CEP128: variants seen among roughly 807,000 people sequenced by gnomAD.
The protein encoded by CEP128 is centrosomal protein 128kDa.
In CEP128, 132 loss-of-function variants were observed where a neutral mutation model predicts 156.7. The ratio of observed to expected loss-of-function variants is 0.84; its 90% CI spans 0.73 to 0.97. The LOEUF (loss-of-function observed/expected upper bound fraction) is 0.97. CEP128 is among the 50% of genes least tolerant of loss of function. CEP128 has a pLI of 0.00. For synonymous variants in CEP128, 469 were observed against 448.9 expected, an observed-to-expected ratio of 1.04 and a Z score of -0.57; for missense variants, 1,252 against 1,281.9, an observed-to-expected ratio of 0.98 and a Z score of 0.36.
chr14:80,772,437 C>T (rs7150370), intron 16 of CEP128, among the ~76,000 whole-genome samples: 9,883 of 152,188 alleles, frequency 0.065, 413 homozygotes, highest in Middle Eastern at 0.14. Context: ...CTCCAGCTCC[C>T]CATCCATCCT....
chr14:80,813,938 G>A (rs12587210), intron 13 of CEP128, among the ~76,000 whole-genome samples: 14,947 of 151,900 alleles, frequency 0.098, 1,246 homozygotes, highest in East Asian at 0.43. Flanking sequence ...TTTTTGTTGC[G>A]CAGAAATTAC....
At chr14:80,637,075 A>G (rs1894214226) in intron 19 of CEP128, among the ~76,000 whole-genome samples, 1 of 149,310 alleles carries the variant, frequency 6.7e-6, no homozygotes, top group East Asian at 2.0e-4. Flanking sequence ...ATCAAGAGCG[A>G]AACTCCGTCT....
chr14:80,589,883 A>C lies in CEP128; in HGVS notation c.2807-9460T>G, dbSNP rs1026030183. On this transcript the variant is annotated intron_variant, in intron 19 of 24. Transcript: ENST00000555265. The stretch of plus-strand genomic sequence containing the variant: ...TAATAACTCTCTGACATGCAATATG[A>C]TGTCATTTACCAGAATGTAGATGCC... 1.8e-4 allele frequency among the ~76,000 whole-genome samples: 27 copies of C among 152,260 alleles called. No individual in the cohort carries two copies. In the East Asian group the frequency reaches 2.7e-3, roughly 15 times the overall value.
chr14:80,725,292 C>T (rs991865848), intron 19 of CEP128, among the ~76,000 whole-genome samples: 2 of 151,380 alleles, frequency 1.3e-5, no homozygotes, highest in Non-Finnish European at 2.9e-5. Flanking sequence ...AAGTGATTCT[C>T]GTGCCTCAGC....
At chr14:80,837,702 G>A (rs1264382433) in intron 11 of CEP128, among the ~76,000 whole-genome samples, 4 of 152,182 alleles carry the variant, frequency 2.6e-5, no homozygotes, top group Non-Finnish European at 4.4e-5. Context: ...GCAACAGAGC[G>A]AGACTGCGTC....
intron 21 of CEP128, among the ~76,000 whole-genome samples, chr14:80,541,568 C>T (rs1555372803): frequency 6.6e-6 from 1 of 151,434 alleles, no homozygotes; most frequent in Non-Finnish European, 1.5e-5. Flanking sequence ...CTTCCAAAAG[C>T]AGGCAATGAA....
intron 14 of CEP128, among the ~76,000 whole-genome samples, chr14:80,480,562 C>T (rs1403084015): frequency 6.6e-6 from 1 of 152,084 alleles, no homozygotes; most frequent in East Asian, 1.9e-4. Flanking sequence ...GGCCTGCAGG[C>T]CTGTGATGGG....
chr14:80,564,849 A>T (rs1890843954), intron 20 of CEP128, among the ~76,000 whole-genome samples: 1 of 152,164 alleles, frequency 6.6e-6, no homozygotes, highest in South Asian at 2.1e-4. Context: ...ACCTGAGATC[A>T]GGAGTCTGAG....
At chr14:80,861,190 C>T (rs1566677123) in intron 9 of CEP128, among the ~76,000 whole-genome samples, 1 of 151,904 alleles carries the variant, frequency 6.6e-6, no homozygotes, top group African/African-American at 2.4e-5. Context: ...GTAATTGTTT[C>T]ATATGAGTCA....
chr14:80,622,598 A>C lies in CEP128; in HGVS notation c.2807-42175T>G, dbSNP rs552016459. Among the ~76,000 whole-genome samples, 1,191 of 150,470 alleles carry C rather than the reference A, an allele frequency of 7.9e-3. 2 individuals carry two copies. Among genetic ancestry groups the C allele is most frequent in the Non-Finnish European group, 0.013 (863 of 67,346 alleles). On this transcript the variant is annotated intron_variant, in intron 19 of 24. Coordinates refer to ENST00000555265, the MANE Select transcript of CEP128 (RefSeq NM_152446.5). ...AATATCCAGAATCTACAATGAACTC[A>C]AACAAATTTACAAGAAAAAAACTAA...
Position 80,518,066 on chromosome 14 carries a change from A to G in CEP128, c.3072+8803T>C, listed in dbSNP as rs542065221. The stretch of plus-strand genomic sequence containing the variant: ...GAAGGGCGTGCAGTTGCAAGATTCA[A>G]TAGAGTGAAAACAGAACTCCCATAT... On this transcript the variant is annotated intron_variant, in intron 23 of 24. Coordinates refer to ENST00000555265, the MANE Select transcript of CEP128 (RefSeq NM_152446.5). Among the ~76,000 whole-genome samples, 7 of 150,902 alleles carry G rather than the reference A, an allele frequency of 4.6e-5. No homozygotes were observed. The South Asian group carries it at 1.5e-3, about 32-fold the overall frequency.
intron 21 of CEP128, among the ~76,000 whole-genome samples, chr14:80,532,372 C>A (rs114828646): frequency 1.3e-5 from 2 of 152,068 alleles, no homozygotes; most frequent in East Asian, 3.9e-4. Context: ...AATTTTTTCT[C>A]GGGAGGAGTT....
intron 19 of CEP128, among the ~76,000 whole-genome samples, chr14:80,660,383 T>C (rs866798993): frequency 1.3e-5 from 2 of 152,166 alleles, no homozygotes; most frequent in South Asian, 2.1e-4. Context: ...ATAAATGCCA[T>C]AGGTGATATC....
At chr14:80,610,062 A>G (rs906600650) in intron 19 of CEP128, among the ~76,000 whole-genome samples, 6 of 152,148 alleles carry the variant, frequency 3.9e-5, no homozygotes, top group Non-Finnish European at 8.8e-5. Flanking sequence ...CCTTTAATAA[A>G]TGGTAGCACG....
At chr14:80,667,130 T>C (rs997424675) in intron 19 of CEP128, among the ~76,000 whole-genome samples, 4 of 152,122 alleles carry the variant, frequency 2.6e-5, no homozygotes. Context: ...CCACAAGATA[T>C]GGAGACCCAA....
At chr14:80,776,717 C>T (rs1019316568) in intron 16 of CEP128, among the ~76,000 whole-genome samples, 2 of 151,908 alleles carry the variant, frequency 1.3e-5, no homozygotes, top group South Asian at 2.1e-4. Context: ...TGAGCACATA[C>T]GTGCATTCAT....
chr14:80,538,480 A>G (rs1889586735), intron 21 of CEP128, among the ~76,000 whole-genome samples: 1 of 152,116 alleles, frequency 6.6e-6, no homozygotes, highest in Admixed American at 6.5e-5. Flanking sequence ...CTTCAAGCAT[A>G]CAGGAAATGT....
rs1180011873 is a variant in CEP128, at chr14:80,793,125, T to G, written c.1210-15A>C. 1.9e-6 allele frequency: 3 copies of G among 1,591,788 alleles called. No individual in the cohort carries two copies. The highest frequency in any genetic ancestry group is 1.3e-5 in the African/African-American group (1 of 74,520). ...CGTGTTAAATTCTACGAATAAAGCA[T>G]GCAAAACATTAGGAACAAATCCTTG... On this transcript the variant is annotated splice_polypyrimidine_tract_variant and intron_variant, in intron 13 of 24. Transcript: ENST00000555265.
intron 19 of CEP128, among the ~76,000 whole-genome samples, chr14:80,698,145 T>C (rs1283406645): frequency 1.3e-5 from 2 of 152,082 alleles, no homozygotes; most frequent in African/African-American, 4.8e-5. Flanking sequence ...TTAAAAATAC[T>C]TTATTTCAGT....
Sources: gnomAD v4.1 joint callset for allele counts (sites outside exome capture counted in the v4.1 genomes callset) on GRCh38, gnomAD v4.1.1 for gene constraint, MANE v1.5 for transcripts, NCBI Gene and HGNC (gene_info 2026-07-23, HGNC 2026-07-21) for gene names.